The following TTC39B variants were observed in gnomAD, a reference collection of about 807,000 sequenced individuals.
TTC39B encodes tetratricopeptide repeat protein 39B.
A neutral mutation model predicts 96.6 loss-of-function variants in TTC39B; 92 were observed. That is an observed-to-expected ratio of 0.95 (90% CI 0.80 to 1.13). The LOEUF is 1.13. Ranked by LOEUF, TTC39B falls within the 50% of genes most tolerant of loss-of-function variation. The probability of loss-of-function intolerance (pLI) is 0.00; values close to 1 mark genes in which losing one functional copy is unlikely to be tolerated. For missense variants in TTC39B, 955 were observed against 809.3 expected, an observed-to-expected ratio of 1.18 and a Z score of -2.18; for synonymous variants, 367 against 299.4, an observed-to-expected ratio of 1.23 and a Z score of -2.33.
chr9:15,234,163 C>A (rs1441590705), intron 2 of TTC39B, among the ~76,000 whole-genome samples: 6 of 151,326 alleles, frequency 4.0e-5, no homozygotes, highest in Non-Finnish European at 7.4e-5. Context: ...CCGGCAGCCG[C>A]CCCATCTGAG....
chr9:15,238,855 A>C (rs1821907727), intron 2 of TTC39B, among the ~76,000 whole-genome samples: 1 of 152,164 alleles, frequency 6.6e-6, no homozygotes, highest in Non-Finnish European at 1.5e-5. Flanking sequence ...GCGTGGTATC[A>C]CATGCCTGTA....
intron 2 of TTC39B, among the ~76,000 whole-genome samples, chr9:15,236,486 A>T (rs1009811780): frequency 6.6e-6 from 1 of 152,256 alleles, no homozygotes; most frequent in African/African-American, 2.4e-5. Flanking sequence ...AAAGACATTT[A>T]TAGAACATTC....
intron 2 of TTC39B, among the ~76,000 whole-genome samples, chr9:15,231,689 A>G (rs772417292): frequency 2.6e-5 from 4 of 152,196 alleles, no homozygotes; most frequent in Non-Finnish European, 4.4e-5. Flanking sequence ...TTCAAATTTA[A>G]CTTCCCCAAT....
rs151241742 is a variant in TTC39B, at chr9:15,261,539, G to C, written c.275+6375C>G. On this transcript the variant is annotated intron_variant, in intron 2 of 19. Coordinates refer to ENST00000512701, the Ensembl canonical transcript of TTC39B. ...AGTGGTTAGTCCATTCTCCCCACTA[G>C]ACAAGACCAGGAATCCTCCATGACC... is the stretch of plus-strand genomic sequence containing the variant. Among the ~76,000 whole-genome samples the C allele has an allele frequency of 4.9e-3, 738 of 152,144 alleles. 2 individuals are homozygous for C. Among genetic ancestry groups the C allele is most frequent in the Non-Finnish European group, 7.1e-3 (481 of 67,976 alleles).
intron 2 of TTC39B, among the ~76,000 whole-genome samples, chr9:15,241,214 C>A (rs1467851130): frequency 6.6e-6 from 1 of 151,928 alleles, no homozygotes; most frequent in African/African-American, 2.4e-5. Context: ...GTTTGAACAG[C>A]TTCTCTCAAG....
chr9:15,184,432 A>C (rs1015157916), intron 16 of TTC39B, among the ~76,000 whole-genome samples: 2 of 151,762 alleles, frequency 1.3e-5, no homozygotes, highest in Admixed American at 6.6e-5. Context: ...AAAAAAAAAA[A>C]AAAACTCAGG....
At chr9:15,260,587 A>T (rs1822908474) in intron 2 of TTC39B, among the ~76,000 whole-genome samples, 1 of 151,706 alleles carries the variant, frequency 6.6e-6, no homozygotes, top group Admixed American at 6.6e-5. Flanking sequence ...AACAGGCAAA[A>T]CTATTGTATC....
intron 2 of TTC39B, among the ~76,000 whole-genome samples, chr9:15,245,287 T>C (rs888638667): frequency 6.6e-6 from 1 of 152,196 alleles, no homozygotes; most frequent in Non-Finnish European, 1.5e-5. Context: ...CAGCTTTCAG[T>C]AGATATAAGG....
At chr9:15,267,279 T>C (rs1823170398) in intron 2 of TTC39B, among the ~76,000 whole-genome samples, 1 of 152,238 alleles carries the variant, frequency 6.6e-6, no homozygotes, top group Non-Finnish European at 1.5e-5. Flanking sequence ...TTGTGTTTTG[T>C]TATAGAAGCT....
intron 1 of TTC39B, among the ~76,000 whole-genome samples, chr9:15,301,766 A>G (rs924227848): frequency 3.9e-5 from 6 of 151,904 alleles, no homozygotes; most frequent in South Asian, 2.1e-4. Context: ...AAAAAAAAAA[A>G]AAGAAGAAGA....
Position 15,166,307 on chromosome 9 carries a change from C to T in TTC39B, c.*5712G>A, listed in dbSNP as rs536146124. ...GATTTTTCCATGTGATGTCCTGTTA[C>T]AGTATTACTGTGCTAAACACATATC... is the stretch of plus-strand genomic sequence containing the variant. On this transcript the variant is annotated 3_prime_UTR_variant, in exon 20 of 20. Coordinates refer to ENST00000512701, the Ensembl canonical transcript of TTC39B. 2.0e-5 allele frequency: 3 copies of T among 152,276 alleles called. No homozygotes were observed. In the East Asian group the frequency reaches 5.8e-4, roughly 29 times the overall value. 9.4% of individuals were successfully genotyped at this position (152,276 alleles called of 1,614,324 possible).
At chr9:15,276,945 A>T (rs1399466506) in intron 1 of TTC39B, among the ~76,000 whole-genome samples, 1 of 152,228 alleles carries the variant, frequency 6.6e-6, no homozygotes. Context: ...GGGATCCCTA[A>T]CTATACTTCC....
chr9:15,203,975 A>T (rs1819696014), intron 6 of TTC39B, 85 bp from the exon 7 acceptor site: 1 of 1,302,198 alleles, frequency 7.7e-7, no homozygotes, highest in African/African-American at 1.5e-5. Flanking sequence ...ACTGGCAGAA[A>T]AATGAACCCA....
intron 15 of TTC39B, 111 bp from the exon 16 acceptor site, chr9:15,185,517 T>A (rs1442152661): frequency 1.3e-6 from 2 of 1,512,212 alleles, no homozygotes; most frequent in Admixed American, 3.9e-5. Flanking sequence ...AGCAGCAGCA[T>A]CACCTGGGAA....
intron 8 of TTC39B, among the ~76,000 whole-genome samples, chr9:15,199,132 A>T (rs1819359425): frequency 1.3e-5 from 2 of 152,208 alleles, no homozygotes; most frequent in South Asian, 4.1e-4. Flanking sequence ...TAAATAACAG[A>T]CAACTGGATA....
chr9:15,231,080 T>C (rs1334001211), intron 2 of TTC39B, among the ~76,000 whole-genome samples: 1 of 152,212 alleles, frequency 6.6e-6, no homozygotes, highest in Non-Finnish European at 1.5e-5. Flanking sequence ...TAAATTATGG[T>C]ATGTGGAATT....
intron 2 of TTC39B, among the ~76,000 whole-genome samples, chr9:15,261,021 C>G (rs1439439988): frequency 2.6e-5 from 4 of 152,172 alleles, no homozygotes; most frequent in Admixed American, 1.3e-4. Flanking sequence ...TATATTAAAC[C>G]TGCATCTGTT....
chr9:15,238,846 C>T (rs765961100), intron 2 of TTC39B, among the ~76,000 whole-genome samples: 3 of 152,004 alleles, frequency 2.0e-5, no homozygotes, highest in Non-Finnish European at 4.4e-5. Context: ...ATTATCTGGG[C>T]GTGGTATCAC....
intron 2 of TTC39B, among the ~76,000 whole-genome samples, chr9:15,259,205 A>C (rs1822859820): frequency 1.3e-5 from 2 of 152,212 alleles, no homozygotes; most frequent in South Asian, 4.1e-4. Context: ...TACATCTTAA[A>C]ATTGACAGCA....
Sources: gnomAD v4.1 joint callset for allele counts (sites outside exome capture counted in the v4.1 genomes callset) on GRCh38, gnomAD v4.1.1 for gene constraint, MANE v1.5 for transcripts, NCBI Gene and HGNC (gene_info 2026-07-23, HGNC 2026-07-21) for gene names.